The following GNAI3 variants were observed in gnomAD, a reference collection of about 807,000 sequenced individuals.
GNAI3 encodes G protein subunit alpha i3.
A neutral mutation model predicts 41.8 loss-of-function variants in GNAI3; 12 were observed. The ratio of observed to expected loss-of-function variants is 0.29; its 90% CI spans 0.18 to 0.47. The LOEUF is 0.47. GNAI3 is among the 20% of genes least tolerant of loss of function. The pLI is 1.00. For missense variants in GNAI3, 360 were observed against 429.6 expected (o/e 0.84, Z 1.43); for synonymous variants, 132 against 146.5 (o/e 0.90, Z 0.71).
chr1:109,579,861 G>A (rs1182846486), intron 4 of GNAI3, among the ~76,000 whole-genome samples: 1 of 152,200 alleles, frequency 6.6e-6, no homozygotes, highest in Non-Finnish European at 1.5e-5. Flanking sequence ...GAATGAAGTT[G>A]AAGTATCTTT....
chr1:109,562,335 TA>T (rs1648332625), intron 1 of GNAI3, among the ~76,000 whole-genome samples: 1 of 152,152 alleles, frequency 6.6e-6, no homozygotes, highest in Non-Finnish European at 1.5e-5. Context: ...TATATGAAAA[TA>T]CTACACCATT....
At chr1:109,566,058 G>A (rs1161012885) in intron 1 of GNAI3, among the ~76,000 whole-genome samples, 3 of 152,222 alleles carry the variant, frequency 2.0e-5, no homozygotes, top group African/African-American at 7.2e-5. Context: ...GGCTGGGAAG[G>A]ACAGTTTGGG....
At chr1:109,581,472 T>C (rs953810577) in intron 4 of GNAI3, among the ~76,000 whole-genome samples, 11 of 152,208 alleles carry the variant, frequency 7.2e-5, no homozygotes, top group African/African-American at 2.7e-4. Flanking sequence ...GGTTTTGATA[T>C]TATACAGTAC....
rs1057041665 is a variant in GNAI3, at chr1:109,595,885, T to A, written c.*3563T>A. On this transcript the variant is annotated 3_prime_UTR_variant, in exon 9 of 9. Transcript: ENST00000369851. ...CATTTGTATAAACCTAAAACGTCAC[T>A]GTTTTCCTTGAGCGTTAGTACTTGT... 6.6e-6 allele frequency: 1 copy of A among 152,170 alleles called. No individual in the cohort carries two copies. The highest frequency in any genetic ancestry group is 2.4e-5 in the African/African-American group (1 of 41,440). The allele number at this position is 152,170 out of a possible 1,614,324, so 9.4% of individuals were successfully genotyped here. A position where few individuals can be genotyped will look rare whatever the true frequency, so the allele number is the denominator to read the frequency against.
At chr1:109,582,939 G>GT (rs1234673399) in intron 5 of GNAI3, among the ~76,000 whole-genome samples, 4 of 151,714 alleles carry the variant, frequency 2.6e-5, no homozygotes, top group African/African-American at 4.8e-5. Context: ...ATGAAAACCA[G>GT]TTTTTTTTCG....
At chr1:109,550,746 G>C (rs1200738555) in intron 1 of GNAI3, among the ~76,000 whole-genome samples, 1 of 152,168 alleles carries the variant, frequency 6.6e-6, no homozygotes, top group East Asian at 1.9e-4. Flanking sequence ...TGTTAGCCAG[G>C]ATGGTCTCAA....
At chr1:109,563,760 T>TA (rs147934676) in intron 1 of GNAI3, among the ~76,000 whole-genome samples, 8,463 of 152,200 alleles carry the variant, frequency 0.056, 776 homozygotes, top group African/African-American at 0.19. Context: ...TTAGGGCTTT[T>TA]AAAAAACATC....
intron 1 of GNAI3, among the ~76,000 whole-genome samples, chr1:109,569,523 A>T (rs111241400): frequency 9.3e-4 from 141 of 152,334 alleles, no homozygotes; most frequent in African/African-American, 3.2e-3. Context: ...GCTTGGGGAA[A>T]ACGCAACAAT....
In GNAI3 at chr1:109,595,970, T is replaced by G. The variant is rs1009802764; in HGVS notation, c.*3648T>G. 1.3e-5 allele frequency: 2 copies of G among 152,252 alleles called. No homozygotes were observed. Among genetic ancestry groups the G allele is most frequent in the African/African-American group, 4.8e-5 (2 of 41,468 alleles). 9.4% of individuals were successfully genotyped at this position (152,252 alleles called of 1,614,324 possible). A position where few individuals can be genotyped will look rare whatever the true frequency, so the allele number is the denominator to read the frequency against. On this transcript the variant is annotated 3_prime_UTR_variant, in exon 9 of 9. Transcript: ENST00000369851. ...AAGAGCAATGATCTTAGTTTGCCAG[T>G]GCCAGGTAATTATTGTGTTCTACTT...
At chr1:109,564,560 G>A (rs1648401595) in intron 1 of GNAI3, among the ~76,000 whole-genome samples, 1 of 152,018 alleles carries the variant, frequency 6.6e-6, no homozygotes, top group Non-Finnish European at 1.5e-5. Flanking sequence ...CTCTATAATG[G>A]TAGCCTAGGT....
Position 109,579,268 on chromosome 1 carries a change from T to C in GNAI3, c.368T>C (p.Leu123Pro). ...SAEEGVMTPELAGVIKRLWRD... is the reference protein window; with the variant it reads ...SAEEGVMTPEPAGVIKRLWRD... Reference sequence around the variant, plus strand: ...GAAGAAGGAGTCATGACTCCAGAACTAGCAGGAGTGATTAAACGGTTATGG... The same window carrying C: ...GAAGAAGGAGTCATGACTCCAGAACCAGCAGGAGTGATTAAACGGTTATGG... The change falls in exon 4 of 9, where the codon CTA becomes CCA. Residue 123 changes from leucine to proline, a missense_variant. Physicochemically the swap from Leu to Pro is moderately conservative, Grantham distance 98. Transcript: ENST00000369851. 1 of 1,611,582 alleles carries C rather than the reference T, an allele frequency of 6.2e-7. No homozygotes were observed. Among genetic ancestry groups the C allele is most frequent in the East Asian group, 2.2e-5 (1 of 44,880 alleles).
At chr1:109,573,593 C>A (rs915825138) in intron 1 of GNAI3, 144 bp from the exon 2 acceptor site, 7 of 641,206 alleles carry the variant, frequency 1.1e-5, no homozygotes, top group African/African-American at 9.2e-5. Flanking sequence ...AAGCTCCATA[C>A]ATTTTCTTGA....
At chr1:109,587,782 T>A (rs1649069657) in intron 7 of GNAI3, among the ~76,000 whole-genome samples, 1 of 152,154 alleles carries the variant, frequency 6.6e-6, no homozygotes. Context: ...TGAGAAAGAT[T>A]ATGCAATAAA....
At chr1:109,551,875 G>A (rs1249749163) in intron 1 of GNAI3, among the ~76,000 whole-genome samples, 1 of 152,032 alleles carries the variant, frequency 6.6e-6, no homozygotes, top group East Asian at 1.9e-4. Flanking sequence ...GATGTTCTTG[G>A]AAAGGGCTGG....
Position 109,579,209 on chromosome 1 carries a change from T to C in GNAI3, c.309T>C (p.Asp103=). 1 of 1,611,570 alleles carries C rather than the reference T, an allele frequency of 6.2e-7. No individual in the cohort carries two copies. Among genetic ancestry groups the C allele is most frequent in the Non-Finnish European group, 8.5e-7 (1 of 1,178,594 alleles). The change falls in exon 4 of 9, where the codon GAT becomes GAC. Residue 103 remains aspartate (D), a synonymous_variant. Coordinates refer to ENST00000369851, the MANE Select transcript of GNAI3 (RefSeq NM_006496.4). ...TTCTTAACTGCTTTCTTCAGGATGA[T>C]GCCCGGCAATTATTTGTTTTAGCTG... ...IDFGEAARAD[D]ARQLFVLAGS... is the part of the protein sequence containing the mutation.
intron 3 of GNAI3, among the ~76,000 whole-genome samples, chr1:109,576,279 G>T (rs545427312): frequency 2.0e-5 from 3 of 152,146 alleles, no homozygotes; most frequent in African/African-American, 7.2e-5. Flanking sequence ...ATGTTGGCCA[G>T]GTTGGTCTTG....
rs115988630 is a variant in GNAI3, at chr1:109,563,266, A to C, written c.119-10471A>C. 6.0e-3 allele frequency among the ~76,000 whole-genome samples: 915 copies of C among 152,314 alleles called. 13 individuals carry two copies. The highest frequency in any genetic ancestry group is 0.021 in the African/African-American group (883 of 41,568). On this transcript the variant is annotated intron_variant, in intron 1 of 8. Coordinates refer to ENST00000369851, the MANE Select transcript of GNAI3 (RefSeq NM_006496.4). Reference sequence around the variant, plus strand: ...TGTGGTGATGTGCACCTGTGGTCCCAGTTACTCCAGAGGCTGAGGGGGAAG... The same window carrying C: ...TGTGGTGATGTGCACCTGTGGTCCCCGTTACTCCAGAGGCTGAGGGGGAAG...
intron 7 of GNAI3, among the ~76,000 whole-genome samples, chr1:109,587,250 G>A (rs1030680826): frequency 2.0e-5 from 3 of 151,974 alleles, no homozygotes; most frequent in Non-Finnish European, 4.4e-5. Context: ...ACACCCCCCT[G>A]CCTCACAAAA....
intron 1 of GNAI3, among the ~76,000 whole-genome samples, chr1:109,561,099 T>C (rs1337296343): frequency 6.6e-6 from 1 of 152,170 alleles, no homozygotes; most frequent in Non-Finnish European, 1.5e-5. Flanking sequence ...TTAATTTTGG[T>C]TCATTCCAGG....
Sources: allele counts gnomAD v4.1 joint callset (sites outside exome capture counted in the v4.1 genomes callset), GRCh38; gene constraint gnomAD v4.1.1; transcripts MANE v1.5; gene names NCBI Gene and HGNC (gene_info 2026-07-23, HGNC 2026-07-21).